XYLT1: variants seen among roughly 807,000 people sequenced by gnomAD.
XYLT1 encodes the protein beta-D-xylosyltransferase 1.
XYLT1 carries 36 observed loss-of-function variants against 91.3 expected under a neutral mutation model. The ratio of observed to expected loss-of-function variants is 0.39; its 90% CI spans 0.30 to 0.52. XYLT1 has a LOEUF of 0.52. XYLT1 is among the 20% of genes least tolerant of loss of function. XYLT1 has a pLI of 0.68. For synonymous variants in XYLT1, 588 were observed against 532.0 expected (o/e 1.11, Z -1.45); for missense variants, 1,242 against 1,284.5 (o/e 0.97, Z 0.51).
intron 1 of XYLT1, among the ~76,000 whole-genome samples, chr16:17,440,998 T>A (rs191497686): frequency 1.3e-5 from 2 of 152,082 alleles, no homozygotes; most frequent in Non-Finnish European, 2.9e-5. Context: ...AATGAGATAA[T>A]ATAGTTAAGG....
intron 1 of XYLT1, among the ~76,000 whole-genome samples, chr16:17,425,501 ATTC>A (rs2036306000): frequency 6.6e-6 from 1 of 152,188 alleles, no homozygotes. Context: ...TGGACAAATA[ATTC>A]TTCTTACACT....
intron 2 of XYLT1, among the ~76,000 whole-genome samples, chr16:17,293,545 C>T (rs748575304): frequency 1.8e-4 from 24 of 136,388 alleles, no homozygotes; most frequent in Admixed American, 1.0e-3. Flanking sequence ...TGTAGTGCAG[C>T]GGCACAATCC....
chr16:17,185,773 C>T lies in XYLT1; in HGVS notation c.1289+12439G>A, dbSNP rs140383219. Among the ~76,000 whole-genome samples, 331 of 152,038 alleles carry T rather than the reference C, an allele frequency of 2.2e-3. 3 individuals carry two copies. Among genetic ancestry groups the T allele is most frequent in the Middle Eastern group, 3.4e-3 (1 of 294 alleles). ...CCTAGCACTTTGGGAGGCTGAGGTG[C>T]GCAGATCACTTGAGGTCATGAGTTT... is the stretch of plus-strand genomic sequence containing the variant. On this transcript the variant is annotated intron_variant, in intron 5 of 11. Transcript: ENST00000261381.
chr16:17,391,236 T>C (rs982098007), intron 1 of XYLT1, among the ~76,000 whole-genome samples: 5 of 152,160 alleles, frequency 3.3e-5, no homozygotes, highest in African/African-American at 1.2e-4. Flanking sequence ...TAACACTTGA[T>C]ATGAACTAGG....
intron 2 of XYLT1, among the ~76,000 whole-genome samples, chr16:17,329,725 G>A (rs2034867270): frequency 6.6e-6 from 1 of 151,144 alleles, no homozygotes; most frequent in South Asian, 2.1e-4. Flanking sequence ...ACACCCGTGA[G>A]TTTGTAGACA....
intron 9 of XYLT1, among the ~76,000 whole-genome samples, chr16:17,132,166 G>GCACTGTCTACT (rs1221947156): frequency 6.6e-6 from 1 of 152,212 alleles, no homozygotes; most frequent in Non-Finnish European, 1.5e-5. Flanking sequence ...GGCAGGCACT[G>GCACTGTCTACT]CACTGTCTAC....
chr16:17,268,269 C>T (rs941580003), intron 2 of XYLT1, among the ~76,000 whole-genome samples: 18 of 151,978 alleles, frequency 1.2e-4, no homozygotes, highest in Non-Finnish European at 2.4e-4. Context: ...AATTTGTTTT[C>T]GTTGGGGAAA....
chr16:17,452,917 C>G (rs1596553793), intron 1 of XYLT1, among the ~76,000 whole-genome samples: 1 of 152,096 alleles, frequency 6.6e-6, no homozygotes, highest in East Asian at 1.9e-4. Context: ...TGAATACTTA[C>G]AATTCTAGTC....
chr16:17,284,468 GA>G (rs1341165723), intron 2 of XYLT1, among the ~76,000 whole-genome samples: 1 of 152,210 alleles, frequency 6.6e-6, no homozygotes, highest in Admixed American at 6.5e-5. Flanking sequence ...GTACTTTAAA[GA>G]AAGATAAGAC....
At chr16:17,240,710 G>A (rs952187436) in intron 3 of XYLT1, among the ~76,000 whole-genome samples, 1 of 152,196 alleles carries the variant, frequency 6.6e-6, no homozygotes, top group Non-Finnish European at 1.5e-5. Flanking sequence ...CTTTAATGAT[G>A]AGGATAGTAA....
At chr16:17,182,947 G>C (rs966397469) in intron 5 of XYLT1, among the ~76,000 whole-genome samples, 3 of 152,208 alleles carry the variant, frequency 2.0e-5, no homozygotes, top group Non-Finnish European at 4.4e-5. Flanking sequence ...TATTCCATTA[G>C]AGAAAGAAAG....
intron 2 of XYLT1, among the ~76,000 whole-genome samples, chr16:17,330,254 A>G (rs2034873912): frequency 6.6e-6 from 1 of 152,194 alleles, no homozygotes; most frequent in South Asian, 2.1e-4. Flanking sequence ...AATAAGTGCA[A>G]ACAGCTGATA....
intron 3 of XYLT1, among the ~76,000 whole-genome samples, chr16:17,255,293 C>G (rs981384429): frequency 6.6e-6 from 1 of 152,162 alleles, no homozygotes; most frequent in Non-Finnish European, 1.5e-5. Flanking sequence ...ACCACCACAC[C>G]CAGCCAGCCT....
At chr16:17,250,356 C>A (rs1239453163) in intron 3 of XYLT1, 1 of 152,206 alleles carries the variant, frequency 6.6e-6, no homozygotes, top group Non-Finnish European at 1.5e-5. Flanking sequence ...AACAGCATTT[C>A]ACAACAAGTG....
At chr16:17,346,687 G>A (rs2035148342) in intron 2 of XYLT1, among the ~76,000 whole-genome samples, 1 of 152,166 alleles carries the variant, frequency 6.6e-6, no homozygotes, top group African/African-American at 2.4e-5. Context: ...CCCATAACTG[G>A]TGCCTGATTC....
At chr16:17,396,152 T>C (rs1262936809) in intron 1 of XYLT1, among the ~76,000 whole-genome samples, 1 of 151,794 alleles carries the variant, frequency 6.6e-6, no homozygotes, top group Non-Finnish European at 1.5e-5. Flanking sequence ...GCAACGTTTG[T>C]ATCTACACCC....
chr16:17,397,821 A>T (rs1245200004), intron 1 of XYLT1, among the ~76,000 whole-genome samples: 2 of 146,950 alleles, frequency 1.4e-5, no homozygotes, highest in African/African-American at 5.2e-5. Flanking sequence ...CATAGTTTGA[A>T]TAGCTCTTTT....
At chr16:17,171,707 A>G (rs2031823718) in intron 5 of XYLT1, among the ~76,000 whole-genome samples, 1 of 152,278 alleles carries the variant, frequency 6.6e-6, no homozygotes. Flanking sequence ...TCGGTTTTTA[A>G]GCTGCATCTG....
At chr16:17,425,178 A>G (rs1427601110) in intron 1 of XYLT1, among the ~76,000 whole-genome samples, 1 of 152,198 alleles carries the variant, frequency 6.6e-6, no homozygotes, top group African/African-American at 2.4e-5. Flanking sequence ...CCTCGTAAAC[A>G]GCAGGGCTGG....
Sources: allele counts gnomAD v4.1 joint callset (sites outside exome capture counted in the v4.1 genomes callset), GRCh38; gene constraint gnomAD v4.1.1; transcripts MANE v1.5; gene names NCBI Gene and HGNC (gene_info 2026-07-23, HGNC 2026-07-21).